Variants in PLEKHA7 observed in about 807,000 individuals in gnomAD.
PLEKHA7 encodes the protein pleckstrin homology domain containing A7, also known as pleckstrin homology domain-containing family A member 7.
In PLEKHA7, 104 loss-of-function variants were observed where a neutral mutation model predicts 170.0. The ratio of observed to expected loss-of-function variants is 0.61; its 90% CI spans 0.52 to 0.72. The LOEUF (loss-of-function observed/expected upper bound fraction) is 0.72, where lower values mean the gene tolerates loss of function less well. PLEKHA7 is among the 30% of genes least tolerant of loss of function. PLEKHA7 has a pLI of 0.00. For synonymous variants in PLEKHA7, 648 were observed against 660.8 expected, an observed-to-expected ratio of 0.98 and a Z score of 0.30; for missense variants, 1,615 against 1,671.7, an observed-to-expected ratio of 0.97 and a Z score of 0.59.
chr11:16,783,590 G>A (rs1011400442), intron 25 of PLEKHA7, 110 bp downstream of exon 25: 33 of 1,221,396 alleles, frequency 2.7e-5, no homozygotes, highest in Non-Finnish European at 3.5e-5. Context: ...TACCTGAGAC[G>A]AAGACCTGGC....
intron 3 of PLEKHA7, among the ~76,000 whole-genome samples, chr11:16,996,220 A>G (rs1368800798): frequency 6.6e-6 from 1 of 152,240 alleles, no homozygotes; most frequent in Non-Finnish European, 1.5e-5. Context: ...GAGGTTACAT[A>G]ACCTGGCAGA....
At chr11:17,003,809 G>A (rs1323951325) in intron 3 of PLEKHA7, among the ~76,000 whole-genome samples, 2 of 152,204 alleles carry the variant, frequency 1.3e-5, no homozygotes, top group African/African-American at 4.8e-5. Context: ...AACCAACCCT[G>A]CTGCCCAGGC....
intron 3 of PLEKHA7, among the ~76,000 whole-genome samples, chr11:16,882,151 G>A (rs912380652): frequency 6.6e-6 from 1 of 152,126 alleles, no homozygotes; most frequent in Non-Finnish European, 1.5e-5. Flanking sequence ...GCACATAGTA[G>A]GTATTCCACA....
intron 3 of PLEKHA7, among the ~76,000 whole-genome samples, chr11:16,907,255 A>T (rs1244979979): frequency 7.7e-6 from 1 of 129,436 alleles, no homozygotes; most frequent in Non-Finnish European, 1.6e-5. Flanking sequence ...TCCGGGAAGG[A>T]TGTGGGGGGG....
At chr11:16,831,805 A>C (rs1288082270) in intron 9 of PLEKHA7, among the ~76,000 whole-genome samples, 1 of 152,218 alleles carries the variant, frequency 6.6e-6, no homozygotes, top group Non-Finnish European at 1.5e-5. Context: ...GGTGCACAGA[A>C]ACAGCACAGC....
chr11:16,839,862 A>G (rs1002282123), intron 9 of PLEKHA7, among the ~76,000 whole-genome samples: 12 of 152,126 alleles, frequency 7.9e-5, no homozygotes, highest in Admixed American at 5.9e-4. Context: ...ATATATATAT[A>G]TTAAAAGAAT....
At chr11:16,899,041 C>T (rs1178771155) in intron 3 of PLEKHA7, among the ~76,000 whole-genome samples, 1 of 152,148 alleles carries the variant, frequency 6.6e-6, no homozygotes, top group Non-Finnish European at 1.5e-5. Context: ...CAATCAAGAT[C>T]TCATAGGGTT....
intron 6 of PLEKHA7, among the ~76,000 whole-genome samples, chr11:16,853,458 C>T (rs1169857207): frequency 6.6e-6 from 1 of 152,208 alleles, no homozygotes; most frequent in Admixed American, 6.5e-5. Flanking sequence ...ATCTATGCTT[C>T]CATGCCTGGT....
chr11:16,976,752 T>C (rs1274979037), intron 3 of PLEKHA7, among the ~76,000 whole-genome samples: 4 of 152,266 alleles, frequency 2.6e-5, no homozygotes, highest in Admixed American at 2.6e-4. Flanking sequence ...GCGGTTCGGA[T>C]GTCTTCCTGT....
chr11:16,980,765 T>C (rs2136841060), intron 3 of PLEKHA7, among the ~76,000 whole-genome samples: 1 of 151,864 alleles, frequency 6.6e-6, no homozygotes, highest in East Asian at 1.9e-4. Flanking sequence ...CTACTAAAAA[T>C]ACAAAAAAAT....
intron 10 of PLEKHA7, among the ~76,000 whole-genome samples, chr11:16,825,572 C>T (rs903081886): frequency 1.3e-5 from 2 of 152,206 alleles, no homozygotes; most frequent in Non-Finnish European, 2.9e-5. Context: ...TAATAAAATA[C>T]AGACAGTGCT....
chr11:16,893,157 A>G (rs1160764096), intron 3 of PLEKHA7, among the ~76,000 whole-genome samples: 4 of 152,108 alleles, frequency 2.6e-5, no homozygotes, highest in Non-Finnish European at 5.9e-5. Context: ...ACAAGGTATT[A>G]TCATCTTAAC....
intron 13 of PLEKHA7, among the ~76,000 whole-genome samples, chr11:16,804,623 C>T (rs924206893): frequency 2.6e-5 from 4 of 152,292 alleles, no homozygotes; most frequent in South Asian, 4.1e-4. Context: ...CAGAAGAGGA[C>T]GGAACCATTG....
chr11:16,815,779 G>A (rs147864683), intron 12 of PLEKHA7, among the ~76,000 whole-genome samples: 1 of 152,138 alleles, frequency 6.6e-6, no homozygotes, highest in African/African-American at 2.4e-5. Flanking sequence ...GCCTCCCAAA[G>A]TGGTAGGATT....
intron 3 of PLEKHA7, among the ~76,000 whole-genome samples, chr11:16,872,226 C>T (rs767227524): frequency 6.6e-6 from 1 of 152,178 alleles, no homozygotes; most frequent in Non-Finnish European, 1.5e-5. Context: ...ACCTCAGCCT[C>T]CCAAAGTGCT....
intron 3 of PLEKHA7, among the ~76,000 whole-genome samples, chr11:16,969,590 T>A (rs961389263): frequency 2.0e-5 from 3 of 152,108 alleles, no homozygotes; most frequent in African/African-American, 7.2e-5. Context: ...TCCCATATCG[T>A]CATGCTGCAA....
intron 3 of PLEKHA7, among the ~76,000 whole-genome samples, chr11:16,997,854 C>T (rs1864436030): frequency 6.6e-6 from 1 of 152,222 alleles, no homozygotes; most frequent in African/African-American, 2.4e-5. Context: ...GGACTCTGAC[C>T]TGTGCGAAGC....
intron 3 of PLEKHA7, among the ~76,000 whole-genome samples, chr11:16,876,582 C>T (rs752012983): frequency 4.6e-5 from 7 of 152,122 alleles, no homozygotes; most frequent in Non-Finnish European, 1.0e-4. Flanking sequence ...TCTTCACAAG[C>T]CCTGGGCCAG....
In PLEKHA7 at chr11:17,004,845, T is replaced by C. The variant is rs114121207; in HGVS notation, c.221+9144A>G. ...TCAAAATATTTCTCATTTCAGAAAA[T>C]TGAAAAGCAAATGTTTTGACAGCCA... On this transcript the variant is annotated intron_variant, in intron 3 of 26. Transcript: ENST00000531066. 5.3e-3 allele frequency among the ~76,000 whole-genome samples: 812 copies of C among 152,288 alleles called. 8 individuals are homozygous for C. Among genetic ancestry groups the C allele is most frequent in the African/African-American group, 0.018 (764 of 41,548 alleles).
Sources: allele counts gnomAD v4.1 joint callset (sites outside exome capture counted in the v4.1 genomes callset), GRCh38; gene constraint gnomAD v4.1.1; transcripts MANE v1.5; gene names NCBI Gene and HGNC (gene_info 2026-07-23, HGNC 2026-07-21).